SHISAL1: variants seen among roughly 807,000 people sequenced by gnomAD.
SHISAL1 encodes shisa like 1, also known as protein shisa-like-1.
In SHISAL1, 9 loss-of-function variants were observed where a neutral mutation model predicts 22.6. That is an observed-to-expected ratio of 0.40 (90% CI 0.24 to 0.70). The LOEUF is 0.70. SHISAL1 is among the 30% of genes least tolerant of loss of function. The pLI is 0.39. For synonymous variants in SHISAL1, 119 were observed against 115.4 expected, an observed-to-expected ratio of 1.03 and a Z score of -0.20; for missense variants, 246 against 270.6, an observed-to-expected ratio of 0.91 and a Z score of 0.64.
upstream of SHISAL1, among the ~76,000 whole-genome samples, chr22:44,314,682 T>TTTGCCCCACTGCCTCA (rs1232150498): frequency 1.3e-5 from 2 of 152,100 alleles, no homozygotes; most frequent in South Asian, 4.2e-4. Context: ...CCTCAGCAAC[T>TTTGCCCCACTGCCTCA]GTGGGGGAGG....
At chr22:44,308,316 T>C (rs1347575232) in intron 1 of SHISAL1, among the ~76,000 whole-genome samples, 1 of 152,218 alleles carries the variant, frequency 6.6e-6, no homozygotes, top group Non-Finnish European at 1.5e-5. Context: ...CAGAGCCAGC[T>C]TTCCCAAGTA....
Position 44,280,684 on chromosome 22 carries a change from G to A in SHISAL1, c.599+4744C>T, listed in dbSNP as rs111255291. ...GAGATGGGAATGTGGATGCATGGGG[G>A]AGGGAGGGAGGTGGGGACAATGGGG... is the stretch of plus-strand genomic sequence containing the variant. On this transcript the variant is annotated intron_variant, in intron 4 of 4. Coordinates refer to ENST00000381176, the MANE Select transcript of SHISAL1 (RefSeq NM_001099294.2). Among the ~76,000 whole-genome samples the A allele has an allele frequency of 5.8e-4, 89 of 152,176 alleles. 1 individual carries two copies. The highest frequency in any genetic ancestry group is 2.0e-3 in the African/African-American group (83 of 41,516).
chr22:44,278,982 C>T (rs549919365), intron 4 of SHISAL1, among the ~76,000 whole-genome samples: 1 of 152,198 alleles, frequency 6.6e-6, no homozygotes, highest in South Asian at 2.1e-4. Context: ...GGCAGGCTCT[C>T]ATCACCATCA....
At chr22:44,325,043 G>C in the SHISAL1 span, among the ~76,000 whole-genome samples, 1 of 152,188 alleles carries the variant, frequency 6.6e-6, no homozygotes. Context: ...AGGAGTTCAA[G>C]ATCAGCCTGG....
At chr22:44,277,728 A>G (rs540802176) in intron 4 of SHISAL1, among the ~76,000 whole-genome samples, 3 of 152,286 alleles carry the variant, frequency 2.0e-5, no homozygotes, top group East Asian at 3.9e-4. Flanking sequence ...AGGAACCCCC[A>G]TGGCCTGAGG....
intron 1 of SHISAL1, among the ~76,000 whole-genome samples, chr22:44,307,054 G>A (rs2055484610): frequency 6.6e-6 from 1 of 152,170 alleles, no homozygotes; most frequent in African/African-American, 2.4e-5. Flanking sequence ...TACACCACTG[G>A]ACAACATCCC....
In SHISAL1 at chr22:44,306,764, G is replaced by A. The variant is rs370553939; in HGVS notation, c.-32-5787C>T. Among the ~76,000 whole-genome samples, 1,126 of 135,024 alleles carry A rather than the reference G, an allele frequency of 8.3e-3. 9 individuals are homozygous for A. The highest frequency in any genetic ancestry group is 0.051 in the South Asian group (191 of 3,732). 88.6% of individuals were successfully genotyped at this position (135,024 alleles called of 152,430 possible). A position where few individuals can be genotyped will look rare whatever the true frequency, so the allele number is the denominator to read the frequency against. ...CCTGGGCTCGGGGAGCTGTGATGAC[G>A]ATGGCGTGTGCGGAGGGGACCTGGG... On this transcript the variant is annotated intron_variant, in intron 1 of 4. Transcript: ENST00000381176.
chr22:44,320,635 G>T, the SHISAL1 span, among the ~76,000 whole-genome samples: 12 of 152,176 alleles, frequency 7.9e-5, no homozygotes, highest in African/African-American at 2.9e-4. Context: ...TCCTAGTTCT[G>T]CCTAAGATTC....
At chr22:44,312,151 A>T (rs529638378) in intron 1 of SHISAL1, among the ~76,000 whole-genome samples, 1 of 152,350 alleles carries the variant, frequency 6.6e-6, no homozygotes, top group Admixed American at 6.5e-5. Context: ...AAATGGGGAC[A>T]ACAAACCTGC....
rs1275706446 is a variant in SHISAL1, at chr22:44,244,301, G to T, written c.*5384C>A. ...GAGGCTGGTTTAGGGTCATTCAACAGGGTACCTCATTGTACAAACCTAAGG... is the reference window on the plus strand; with the variant it reads ...GAGGCTGGTTTAGGGTCATTCAACATGGTACCTCATTGTACAAACCTAAGG... On this transcript the variant is annotated 3_prime_UTR_variant, in exon 5 of 5. Transcript: ENST00000381176. 1 of 152,110 alleles carries T rather than the reference G, an allele frequency of 6.6e-6. No individual in the cohort carries two copies. The highest frequency in any genetic ancestry group is 1.9e-4 in the East Asian group (1 of 5,184). 9.4% of individuals were successfully genotyped at this position (152,110 alleles called of 1,614,324 possible). A position where few individuals can be genotyped will look rare whatever the true frequency, so the allele number is the denominator to read the frequency against.
At position 44,246,752 on chromosome 22, in the gene SHISAL1, G is replaced by A. The variant is rs997727616; in HGVS notation, c.*2933C>T. The stretch of plus-strand genomic sequence containing the variant: ...GAGACAGCAAGTACCGTGACTAACT[G>A]GTACCCTACCTCACACACTTGACAG... On this transcript the variant is annotated 3_prime_UTR_variant, in exon 5 of 5. Coordinates refer to ENST00000381176, the MANE Select transcript of SHISAL1 (RefSeq NM_001099294.2). 6.6e-6 allele frequency: 1 copy of A among 152,238 alleles called. No individual in the cohort carries two copies. Among genetic ancestry groups the A allele is most frequent in the Non-Finnish European group, 1.5e-5 (1 of 68,076 alleles). The allele number at this position is 152,238 out of a possible 1,614,324, so 9.4% of individuals were successfully genotyped here. A position where few individuals can be genotyped will look rare whatever the true frequency, so the allele number is the denominator to read the frequency against.
At chr22:44,293,299 A>G (rs2055365487) in intron 3 of SHISAL1, among the ~76,000 whole-genome samples, 1 of 152,146 alleles carries the variant, frequency 6.6e-6, no homozygotes, top group Non-Finnish European at 1.5e-5. Flanking sequence ...AGGCGGCGAG[A>G]AGATCGCTGG....
At chr22:44,292,746 G>A (rs1284684593) in intron 3 of SHISAL1, among the ~76,000 whole-genome samples, 1 of 152,214 alleles carries the variant, frequency 6.6e-6, no homozygotes, top group Non-Finnish European at 1.5e-5. Flanking sequence ...TGGACACCAG[G>A]CCCCACGTCA....
At chr22:44,285,792 A>G (rs758039214) in intron 3 of SHISAL1, 47 bp from the exon 4 acceptor site, 7 of 1,495,726 alleles carry the variant, frequency 4.7e-6, no homozygotes, top group Non-Finnish European at 6.5e-6. Context: ...GGAGCAGTCC[A>G]GCTCAGGCCG....
intron 4 of SHISAL1, among the ~76,000 whole-genome samples, chr22:44,267,835 T>C (rs940980930): frequency 3.0e-4 from 45 of 152,336 alleles, no homozygotes; most frequent in African/African-American, 1.1e-3. Context: ...GACAGACTCA[T>C]TCCTTTCCAT....
At chr22:44,325,863 T>C in the SHISAL1 span, among the ~76,000 whole-genome samples, 2 of 151,798 alleles carry the variant, frequency 1.3e-5, no homozygotes, top group East Asian at 3.9e-4. Context: ...GAAATGCCCC[T>C]CTGCCTTCTT....
chr22:44,278,491 C>T (rs757679869), intron 4 of SHISAL1, among the ~76,000 whole-genome samples: 9 of 152,324 alleles, frequency 5.9e-5, no homozygotes, highest in Admixed American at 2.6e-4. Context: ...GAGGAAACTG[C>T]GACTGTCCCT....
intron 3 of SHISAL1, among the ~76,000 whole-genome samples, 154 bp downstream of exon 3, chr22:44,296,518 C>T (rs948027109): frequency 4.6e-5 from 7 of 152,206 alleles, no homozygotes; most frequent in Admixed American, 4.6e-4. Context: ...GGGCCGAAAA[C>T]CCTGGTCATC....
the SHISAL1 span, among the ~76,000 whole-genome samples, chr22:44,326,467 G>C: frequency 1.1e-4 from 17 of 152,076 alleles, no homozygotes; most frequent in Non-Finnish European, 2.4e-4. Context: ...TATGTAGCTG[G>C]GTTTTCAAAG....
Sources: gnomAD v4.1 joint callset for allele counts (sites outside exome capture counted in the v4.1 genomes callset) on GRCh38, gnomAD v4.1.1 for gene constraint, MANE v1.5 for transcripts, NCBI Gene and HGNC (gene_info 2026-07-23, HGNC 2026-07-21) for gene names.